IL6ST: variants seen among roughly 807,000 people sequenced by gnomAD.
The protein encoded by IL6ST is interleukin 6 cytokine family signal transducer, also known as interleukin-6 receptor subunit beta.
In IL6ST, 24 loss-of-function variants were observed where a neutral mutation model predicts 91.3. The observed-to-expected ratio is 0.26, with a 90% confidence interval of 0.19 to 0.37. The LOEUF is 0.37. IL6ST is among the 10% of genes least tolerant of loss of function. The probability of loss-of-function intolerance (pLI) is 1.00; values close to 1 mark genes in which losing one functional copy is unlikely to be tolerated. For missense variants in IL6ST, 914 were observed against 1,078.5 expected, an observed-to-expected ratio of 0.85 and a Z score of 2.14; for synonymous variants, 351 against 373.6, an observed-to-expected ratio of 0.94 and a Z score of 0.70.
rs199888548 is a variant in IL6ST at position 55,941,260 on chromosome 5, C to T, written c.2579G>A (p.Cys860Tyr). The stretch of plus-strand genomic sequence containing the variant: ...AAACATTTTCATTTGCCCAGATCCA[C>T]AGGATTGTGAAATATGATCTGAAAT... ...QQISDHISQS[C>Y]GSGQMKMFQE... is the part of the protein sequence containing the mutation. Residue 860 changes from cysteine to tyrosine, a missense_variant, in exon 17 of 17, where the codon TGT becomes TAT. Transcript: ENST00000381298. 6.2e-7 allele frequency: 1 copy of T among 1,614,152 alleles called. No homozygotes were observed. Among genetic ancestry groups the T allele is most frequent in the East Asian group, 2.2e-5 (1 of 44,886 alleles).
chr5:55,962,670 A>C (rs1752391148), intron 7 of IL6ST, among the ~76,000 whole-genome samples: 1 of 152,058 alleles, frequency 6.6e-6, no homozygotes, highest in Non-Finnish European at 1.5e-5. Context: ...TTCCAGTAAA[A>C]CTTTATTTAC....
At chr5:55,968,989 T>A (rs1752795000) in intron 4 of IL6ST, among the ~76,000 whole-genome samples, 2 of 152,062 alleles carry the variant, frequency 1.3e-5, no homozygotes, top group Admixed American at 6.6e-5. Flanking sequence ...AGGTCAGGAG[T>A]TTGAGACCAG....
At chr5:55,945,896 G>T (rs951258393) in intron 15 of IL6ST, among the ~76,000 whole-genome samples, 2 of 151,846 alleles carry the variant, frequency 1.3e-5, no homozygotes, top group African/African-American at 4.8e-5. Flanking sequence ...TGAGCCGCCC[G>T]CCTTGACCTC....
Position 55,972,986 on chromosome 5 carries a change from C to T in IL6ST, c.65-3131G>A, listed in dbSNP as rs115651248. ...TGCCACTGCACTCCAGCCTAGGCAA[C>T]GAAACGAGATTCCATCTCAAAAAAA... On this transcript the variant is annotated intron_variant, in intron 3 of 16. Transcript: ENST00000381298. Among the ~76,000 whole-genome samples the T allele has an allele frequency of 9.4e-3, 1,368 of 145,920 alleles. 26 individuals carry two copies. The highest frequency in any genetic ancestry group is 0.034 in the African/African-American group (1,315 of 39,018).
At chr5:55,972,978 C>G (rs1753052139) in intron 3 of IL6ST, among the ~76,000 whole-genome samples, 1 of 149,530 alleles carries the variant, frequency 6.7e-6, no homozygotes, top group African/African-American at 2.5e-5. Context: ...GCACTCCAGC[C>G]TAGGCAACGA....
chr5:55,992,068 ACT>A (rs2111957606), intron 1 of IL6ST, among the ~76,000 whole-genome samples: 1 of 151,986 alleles, frequency 6.6e-6, no homozygotes, highest in Non-Finnish European at 1.5e-5. Context: ...GTCTTTCCTG[ACT>A]CTGCTGTGCA....
At chr5:55,955,279 GA>G (rs908002961) in intron 10 of IL6ST, among the ~76,000 whole-genome samples, 4 of 152,150 alleles carry the variant, frequency 2.6e-5, no homozygotes, top group Non-Finnish European at 4.4e-5. Context: ...CCAACACGGT[GA>G]AACCCCGTCT....
chr5:55,942,704 T>A lies in IL6ST; in HGVS notation c.1985A>T (p.His662Leu), dbSNP rs775650484. The A allele has an allele frequency of 6.2e-7, 1 of 1,609,496 alleles. No homozygotes were observed. Among genetic ancestry groups the A allele is most frequent in the East Asian group, 2.2e-5 (1 of 44,748 alleles). The change falls in exon 16 of 17, where the codon CAT becomes CTT. Residue 662 changes from histidine (H) to leucine (L), a missense_variant. Transcript: ENST00000381298. ...WPNVPDPSKS[H>L]IAQWSPHTPP... ...AGTGTGAGGTGACCACTGGGCAATA[T>A]GACTCTTTGAAGGATCTGGAACATT...
chr5:55,991,419 T>C (rs1224779626), intron 1 of IL6ST, among the ~76,000 whole-genome samples: 2 of 152,164 alleles, frequency 1.3e-5, no homozygotes, highest in Admixed American at 6.5e-5. Flanking sequence ...ACAAATCTTA[T>C]CCTGTCTTCT....
At chr5:55,964,055 T>G in intron 6 of IL6ST, 91 bp downstream of exon 6, 3 of 606,196 alleles carry the variant, frequency 4.9e-6, no homozygotes, top group Non-Finnish European at 7.7e-6. Context: ...AAATCTACAT[T>G]AAAATCTTAA....
At chr5:55,981,314 C>T (rs1005352199) in intron 2 of IL6ST, among the ~76,000 whole-genome samples, 1 of 152,010 alleles carries the variant, frequency 6.6e-6, no homozygotes, top group African/African-American at 2.4e-5. Context: ...ATATTATATG[C>T]AATACAGTTA....
intron 2 of IL6ST, among the ~76,000 whole-genome samples, chr5:55,977,009 C>T (rs956124140): frequency 5.3e-5 from 8 of 152,228 alleles, no homozygotes; most frequent in African/African-American, 1.7e-4. Context: ...GACTTATACT[C>T]AAATGTTCAC....
intron 5 of IL6ST, among the ~76,000 whole-genome samples, chr5:55,964,719 C>T (rs1580826208): frequency 1.3e-5 from 2 of 152,178 alleles, no homozygotes; most frequent in South Asian, 2.1e-4. Context: ...ATTTCTATTA[C>T]CCCTTAGCCT....
intron 1 of IL6ST, among the ~76,000 whole-genome samples, chr5:55,985,514 CCTT>C (rs1423221943): frequency 2.8e-5 from 4 of 141,468 alleles, no homozygotes; most frequent in African/African-American, 1.0e-4. Context: ...AAATGAGACT[CCTT>C]CTCAAAAAAA....
rs1580885508 is a variant in IL6ST at position 55,994,765 on chromosome 5, G to A, written c.-104+19C>T. On this transcript the variant is annotated intron_variant, in intron 1 of 16. Coordinates refer to ENST00000381298, the MANE Select transcript of IL6ST (RefSeq NM_002184.4). Reference sequence around the variant, plus strand: ...ACTCTAACTCCAGCTACGCGACCCAGCACCCGGCCCCTCCTCACCTCAGGC... The same window carrying A: ...ACTCTAACTCCAGCTACGCGACCCAACACCCGGCCCCTCCTCACCTCAGGC... The A allele has an allele frequency of 6.5e-6, 1 of 152,944 alleles. No homozygotes were observed. The highest frequency in any genetic ancestry group is 1.9e-4 in the East Asian group (1 of 5,194). The allele number at this position is 152,944 out of a possible 1,614,324, so 9.5% of individuals were successfully genotyped here. A position where few individuals can be genotyped will look rare whatever the true frequency, so the allele number is the denominator to read the frequency against.
chr5:55,994,552 G>T (rs535009721), intron 1 of IL6ST, among the ~76,000 whole-genome samples: 2 of 152,014 alleles, frequency 1.3e-5, no homozygotes, highest in Admixed American at 1.3e-4. Flanking sequence ...CGTGCGCCTG[G>T]GTGAAGTTTG....
chr5:55,960,370 A>G lies in IL6ST; in HGVS notation c.973+32T>C, dbSNP rs776073055. 9 of 1,567,944 alleles carry G rather than the reference A, an allele frequency of 5.7e-6. No homozygotes were observed. In the South Asian group the frequency reaches 1.0e-4, roughly 18 times the overall value. ...ACCAGTTCACATCTGGAATTCCAAT[A>G]GCTTTACTTCTTCATATACTTATGT... is the stretch of plus-strand genomic sequence containing the variant. On this transcript the variant is annotated intron_variant, in intron 8 of 16. Coordinates refer to ENST00000381298, the MANE Select transcript of IL6ST (RefSeq NM_002184.4).
Position 55,952,300 on chromosome 5 carries a change from G to C in IL6ST, c.1502C>G (p.Ala501Gly). 6.2e-7 allele frequency: 1 copy of C among 1,610,148 alleles called. No individual in the cohort carries two copies. The highest frequency in any genetic ancestry group is 8.5e-7 in the Non-Finnish European group (1 of 1,177,112). ...GGATTCAGGGCTTCCTGGTCCATCA[G>C]CATATACTGGAGTAACTGTTATCAA... Reference protein sequence around the residue: ...CYLITVTPVYADGPGSPESIK... With the variant: ...CYLITVTPVYGDGPGSPESIK... The change falls in exon 12 of 17, where the codon GCT becomes GGT. Residue 501 changes from alanine to glycine, a missense_variant. Coordinates refer to ENST00000381298, the MANE Select transcript of IL6ST (RefSeq NM_002184.4).
At chr5:55,961,195 C>A (rs747074765) in intron 7 of IL6ST, among the ~76,000 whole-genome samples, 2 of 152,168 alleles carry the variant, frequency 1.3e-5, no homozygotes, top group African/African-American at 4.8e-5. Context: ...ATTATCTTTC[C>A]TTTTTTCCCT....
Sources: allele counts gnomAD v4.1 joint callset (sites outside exome capture counted in the v4.1 genomes callset), GRCh38; gene constraint gnomAD v4.1.1; transcripts MANE v1.5; gene names NCBI Gene and HGNC (gene_info 2026-07-23, HGNC 2026-07-21).